Variants in DCUN1D2 observed in about 807,000 individuals in gnomAD.
DCUN1D2 encodes the protein defective in cullin neddylation 1 domain containing 2.
A neutral mutation model predicts 30.9 loss-of-function variants in DCUN1D2; 29 were observed. The observed-to-expected ratio is 0.94, with a 90% CI of 0.70 to 1.28. The LOEUF is 1.28. Ranked by LOEUF, DCUN1D2 falls within the 50% of genes most tolerant of loss-of-function variation. DCUN1D2 has a pLI of 0.00. For synonymous variants in DCUN1D2, 121 were observed against 115.3 expected (o/e 1.05, Z -0.32); for missense variants, 325 against 316.9 (o/e 1.03, Z -0.19).
intron 4 of DCUN1D2, among the ~76,000 whole-genome samples, chr13:113,472,231 C>T (rs2044531628): frequency 6.6e-6 from 1 of 151,738 alleles, no homozygotes; most frequent in African/African-American, 2.4e-5. Flanking sequence ...CAGACAAGCT[C>T]AAGTAGGAAA....
Position 113,457,339 on chromosome 13 carries a change from A to C in DCUN1D2, c.*690T>G, listed in dbSNP as rs1185167668. 6.6e-6 allele frequency: 1 copy of C among 152,232 alleles called. No individual in the cohort carries two copies. The highest frequency in any genetic ancestry group is 1.5e-5 in the Non-Finnish European group (1 of 68,044). 9.4% of individuals were successfully genotyped at this position (152,232 alleles called of 1,614,324 possible). On this transcript the variant is annotated 3_prime_UTR_variant, in exon 7 of 7. Coordinates refer to ENST00000478244, the MANE Select transcript of DCUN1D2 (RefSeq NM_001014283.2). ...AAGTAAGAGAGGCCCAGTGATATAT[A>C]AACGGTGTGAGATAAACTCTGCTGG...
At chr13:113,466,307 A>G (rs1204746144) in intron 4 of DCUN1D2, among the ~76,000 whole-genome samples, 1 of 152,254 alleles carries the variant, frequency 6.6e-6, no homozygotes, top group African/African-American at 2.4e-5. Context: ...TTAGAAAGAA[A>G]TAGAGTGGAA....
intron 4 of DCUN1D2, among the ~76,000 whole-genome samples, chr13:113,465,922 G>C (rs1243669902): frequency 2.0e-5 from 3 of 152,070 alleles, no homozygotes; most frequent in African/African-American, 7.2e-5. Context: ...GTCTTGCTCT[G>C]TCACCCAGGT....
intron 2 of DCUN1D2, 135 bp from the exon 3 acceptor site, chr13:113,480,878 T>G: frequency 1.3e-6 from 1 of 762,408 alleles, no homozygotes; most frequent in South Asian, 2.1e-5. Flanking sequence ...ATCAATAGGC[T>G]GCAGTTTTCT....
chr13:113,457,699 G>C lies in DCUN1D2; in HGVS notation c.*330C>G. On this transcript the variant is annotated 3_prime_UTR_variant, in exon 7 of 7. Transcript: ENST00000478244. ...GGACGCTGGTTCGCCTGACGCGCGA[G>C]CTACGCAGCATGCTCTGCGGTCCCA... 1 of 186,394 alleles carries C rather than the reference G, an allele frequency of 5.4e-6. No homozygotes were observed. The highest frequency in any genetic ancestry group is 1.1e-5 in the Non-Finnish European group (1 of 90,512). The allele number at this position is 186,394 out of a possible 1,614,324, so 11.5% of individuals were successfully genotyped here. A position where few individuals can be genotyped will look rare whatever the true frequency, so the allele number is the denominator to read the frequency against.
At chr13:113,461,253 AAG>A in intron 4 of DCUN1D2, 117 bp from the exon 5 acceptor site, 1 of 656,772 alleles carries the variant, frequency 1.5e-6, no homozygotes, top group Non-Finnish European at 2.6e-6. Flanking sequence ...AATCTCACCC[AAG>A]AGTCATGAGG....
intron 4 of DCUN1D2, among the ~76,000 whole-genome samples, chr13:113,472,983 C>A (rs2044549593): frequency 1.4e-5 from 2 of 139,710 alleles, no homozygotes; most frequent in Non-Finnish European, 3.1e-5. Flanking sequence ...GTCCTTCTGT[C>A]CCCCCGTGCC....
Position 113,467,602 on chromosome 13 carries a change from A to G in DCUN1D2, c.521-6466T>C, listed in dbSNP as rs113309695. Among the ~76,000 whole-genome samples, 764 of 152,160 alleles carry G rather than the reference A, an allele frequency of 5.0e-3. 39 individuals are homozygous for G. In the East Asian group the frequency reaches 0.12, roughly 23 times the overall value. ...GGATGGCCACTATTCAGAAAACAGCAATTGTTGTCAGGATGTGCAGAGGTT... is the reference window on the plus strand; with the variant it reads ...GGATGGCCACTATTCAGAAAACAGCGATTGTTGTCAGGATGTGCAGAGGTT... On this transcript the variant is annotated intron_variant, in intron 4 of 6. Coordinates refer to ENST00000478244, the MANE Select transcript of DCUN1D2 (RefSeq NM_001014283.2).
At chr13:113,486,719 A>T (rs529605104) in intron 1 of DCUN1D2, among the ~76,000 whole-genome samples, 22 of 152,312 alleles carry the variant, frequency 1.4e-4, no homozygotes, top group African/African-American at 5.3e-4. Flanking sequence ...TTTGCATAAA[A>T]TTTCAGGGGT....
chr13:113,482,199 A>T (rs1462894562), intron 2 of DCUN1D2, among the ~76,000 whole-genome samples: 1 of 152,200 alleles, frequency 6.6e-6, no homozygotes, highest in Non-Finnish European at 1.5e-5. Flanking sequence ...ACAGTCTTAG[A>T]ACTACGTTTA....
Position 113,490,711 on chromosome 13 carries a change from C to A in DCUN1D2, c.-42G>T. Reference sequence around the variant, plus strand: ...GCTTCTGGCCGGCCCCGGCCTTCTGCGCAGGCGCGGCGGCGGCTCCGCCCT... The same window carrying A: ...GCTTCTGGCCGGCCCCGGCCTTCTGAGCAGGCGCGGCGGCGGCTCCGCCCT... On this transcript the variant is annotated 5_prime_UTR_variant, in exon 1 of 7. Coordinates refer to ENST00000478244, the MANE Select transcript of DCUN1D2 (RefSeq NM_001014283.2). This position sits in a 1 kb window ranked among gnomAD's most constrained non-coding sequence, Gnocchi z 5.2. 1 of 1,197,946 alleles carries A rather than the reference C, an allele frequency of 8.3e-7. No homozygotes were observed. Among genetic ancestry groups the A allele is most frequent in the Non-Finnish European group, 1.0e-6 (1 of 966,188 alleles). 74.2% of individuals were successfully genotyped at this position (1,197,946 alleles called of 1,614,324 possible).
chr13:113,482,005 A>G (rs1315412552), intron 2 of DCUN1D2, among the ~76,000 whole-genome samples: 1 of 152,220 alleles, frequency 6.6e-6, no homozygotes, highest in Non-Finnish European at 1.5e-5. Context: ...ATCCCCACTT[A>G]TCACCTTATT....
At chr13:113,475,000 A>G (rs1273898390) in intron 3 of DCUN1D2, among the ~76,000 whole-genome samples, 1 of 152,232 alleles carries the variant, frequency 6.6e-6, no homozygotes, top group Non-Finnish European at 1.5e-5. Flanking sequence ...TCTAAGGCAG[A>G]AATCGACAAC....
rs146674410 is a variant in DCUN1D2, at chr13:113,482,144, G to A, written c.221-1401C>T. 2.7e-3 allele frequency among the ~76,000 whole-genome samples: 407 copies of A among 152,240 alleles called. 3 individuals are homozygous for A. Among genetic ancestry groups the A allele is most frequent in the African/African-American group, 9.4e-3 (390 of 41,542 alleles). On this transcript the variant is annotated intron_variant, in intron 2 of 6. Coordinates refer to ENST00000478244, the MANE Select transcript of DCUN1D2 (RefSeq NM_001014283.2). ...ATTTCAAGTAATTTTGCAAGTACTT[G>A]TTCATTTGTATATGTTAATGTCATA...
chr13:113,458,726 G>A (rs775219653), intron 6 of DCUN1D2, among the ~76,000 whole-genome samples: 60 of 152,182 alleles, frequency 3.9e-4, no homozygotes, highest in Non-Finnish European at 6.3e-4. Flanking sequence ...TAAACCACCC[G>A]TTAAAGGCAC....
intron 4 of DCUN1D2, among the ~76,000 whole-genome samples, chr13:113,467,881 T>C (rs2044432355): frequency 6.6e-6 from 1 of 151,602 alleles, no homozygotes; most frequent in Non-Finnish European, 1.5e-5. Context: ...CCATCTCTAC[T>C]AATAATACAA....
At position 113,490,612 on chromosome 13, in the gene DCUN1D2, G is replaced by C; in HGVS notation, c.3+55C>G. 2 of 1,217,318 alleles carry C rather than the reference G, an allele frequency of 1.6e-6. No homozygotes were observed. The highest frequency in any genetic ancestry group is 2.0e-6 in the Non-Finnish European group (2 of 977,994). 75.4% of individuals were successfully genotyped at this position (1,217,318 alleles called of 1,614,324 possible). A position where few individuals can be genotyped will look rare whatever the true frequency, so the allele number is the denominator to read the frequency against. On this transcript the variant is annotated intron_variant, in intron 1 of 6. Coordinates refer to ENST00000478244, the MANE Select transcript of DCUN1D2 (RefSeq NM_001014283.2). This position sits in a 1 kb window ranked among gnomAD's most constrained non-coding sequence, Gnocchi z 5.2. Reference sequence around the variant, plus strand: ...CCAGCGCGCCGCCTGCGCCGACCTTGGGGCCCGACCCCGACCCCGACCCCG... The same window carrying C: ...CCAGCGCGCCGCCTGCGCCGACCTTCGGGCCCGACCCCGACCCCGACCCCG...
chr13:113,476,456 T>G (rs1303838759), intron 3 of DCUN1D2, among the ~76,000 whole-genome samples: 1 of 152,238 alleles, frequency 6.6e-6, no homozygotes, highest in Non-Finnish European at 1.5e-5. Flanking sequence ...TAACTGGCCC[T>G]TGTGCATCCT....
At position 113,457,604 on chromosome 13, in the gene DCUN1D2, C is replaced by T. The variant is rs759292326; in HGVS notation, c.*425G>A. The T allele has an allele frequency of 1.2e-3, 192 of 154,930 alleles. No individual in the cohort carries two copies. Among genetic ancestry groups the T allele is most frequent in the Non-Finnish European group, 1.5e-3 (102 of 70,012 alleles). 9.6% of individuals were successfully genotyped at this position (154,930 alleles called of 1,614,324 possible). On this transcript the variant is annotated 3_prime_UTR_variant, in exon 7 of 7. Transcript: ENST00000478244. ...TTAACAGCTTTGACGTGTATAAAAA[C>T]GCAGCGCCCTGCAGAGGACACATGC... is the stretch of plus-strand genomic sequence containing the variant.
Sources: allele counts gnomAD v4.1 joint callset (sites outside exome capture counted in the v4.1 genomes callset), GRCh38; gene constraint gnomAD v4.1.1; non-coding constraint Gnocchi (gnomAD v3.1); transcripts MANE v1.5; gene names NCBI Gene and HGNC (gene_info 2026-07-23, HGNC 2026-07-21).